Variants in NCDN observed in about 807,000 individuals in gnomAD.
NCDN encodes the protein neurochondrin, also known as norbin.
A neutral mutation model predicts 60.7 loss-of-function variants in NCDN; 9 were observed. That is an observed-to-expected ratio of 0.15 (90% CI 0.09 to 0.26). The LOEUF (loss-of-function observed/expected upper bound fraction) is 0.26. NCDN is among the 10% of genes least tolerant of loss of function. The probability of loss-of-function intolerance (pLI) is 1.00; values close to 1 mark genes in which losing one functional copy is unlikely to be tolerated. For synonymous variants in NCDN, 409 were observed against 442.5 expected, an observed-to-expected ratio of 0.92 and a Z score of 0.95; for missense variants, 578 against 975.2, an observed-to-expected ratio of 0.59 and a Z score of 5.42.
At position 35,562,750 on chromosome 1, in the gene NCDN, T is replaced by G. The variant is rs970992890; in HGVS notation, c.1385+117T>G. ...GGCTTCCTGATTGGGCCATGAGATA[T>G]CCCTTAGGGTTATTTCTGTTTTGGG... On this transcript the variant is annotated intron_variant, in intron 4 of 6. Coordinates refer to ENST00000373243, the MANE Select transcript of NCDN (RefSeq NM_014284.3). The surrounding 1 kb of genome is among the most constrained non-coding windows in gnomAD (Gnocchi z 6.8). 17 of 1,321,280 alleles carry G rather than the reference T, an allele frequency of 1.3e-5. No homozygotes were observed. The highest frequency in any genetic ancestry group is 1.5e-5 in the Non-Finnish European group (15 of 988,670). 81.8% of individuals were successfully genotyped at this position (1,321,280 alleles called of 1,614,324 possible).
In NCDN at chr1:35,562,591, C is replaced by T; in HGVS notation, c.1343C>T (p.Ser448Phe). 2.5e-6 allele frequency: 4 copies of T among 1,613,882 alleles called. No individual in the cohort carries two copies. The highest frequency in any genetic ancestry group is 3.4e-6 in the Non-Finnish European group (4 of 1,179,928). ...LSQQVANLAI[S>F]PTTPGPTWPG... ...CAGCAGGTGGCCAACCTGGCCATCT[C>T]CCCCACCACCCCAGGGCCCACCTGG... Residue 448 changes from serine to phenylalanine, a missense_variant, in exon 4 of 7, where the codon TCC (serine) becomes TTC (phenylalanine). Transcript: ENST00000373243. The surrounding 1 kb of genome is among the most constrained non-coding windows in gnomAD (Gnocchi z 6.8).
rs529573626 is a variant in NCDN, at chr1:35,565,721, A to G, written c.*58A>G. ...GCAGAGAGGGAAGGAGGGAGGAGGC[A>G]TCTTCCCTGAAGCCCCCAATCTGGC... is the stretch of plus-strand genomic sequence containing the variant. On this transcript the variant is annotated 3_prime_UTR_variant, in exon 7 of 7. Coordinates refer to ENST00000373243, the MANE Select transcript of NCDN (RefSeq NM_014284.3). The surrounding 1 kb of genome is among the most constrained non-coding windows in gnomAD (Gnocchi z 8.9). 2,171 of 1,457,612 alleles carry G rather than the reference A, an allele frequency of 1.5e-3. 3 individuals carry two copies. The highest frequency in any genetic ancestry group is 1.8e-3 in the Non-Finnish European group (1,984 of 1,093,802). 90.3% of individuals were successfully genotyped at this position (1,457,612 alleles called of 1,614,324 possible).
chr1:35,562,267 C>T lies in NCDN; in HGVS notation c.1144-125C>T. 7.2e-7 allele frequency: 1 copy of T among 1,382,278 alleles called. No individual in the cohort carries two copies. Among genetic ancestry groups the T allele is most frequent in the Non-Finnish European group, 9.9e-7 (1 of 1,007,284 alleles). The allele number at this position is 1,382,278 out of a possible 1,614,324, so 85.6% of individuals were successfully genotyped here. On this transcript the variant is annotated intron_variant, in intron 3 of 6. Transcript: ENST00000373243. The surrounding 1 kb of genome is among the most constrained non-coding windows in gnomAD (Gnocchi z 6.8). ...CATGGGACAGAATAAAGGTTGGGGC[C>T]TGCCTTTGAAAGGCTCACAGGCCAG...
intron 6 of NCDN, among the ~76,000 whole-genome samples, chr1:35,564,552 G>T (rs1382361452): frequency 2.0e-5 from 3 of 152,188 alleles, no homozygotes; most frequent in African/African-American, 7.2e-5. Context: ...ACCTTCCACT[G>T]CCTCTGTGTT....
chr1:35,565,697 C>T lies in NCDN; in HGVS notation c.*34C>T, dbSNP rs1648850376. 3 of 1,513,536 alleles carry T rather than the reference C, an allele frequency of 2.0e-6. No homozygotes were observed. Among genetic ancestry groups the T allele is most frequent in the Non-Finnish European group, 2.6e-6 (3 of 1,132,656 alleles). 93.8% of individuals were successfully genotyped at this position (1,513,536 alleles called of 1,614,324 possible). A position where few individuals can be genotyped will look rare whatever the true frequency, so the allele number is the denominator to read the frequency against. On this transcript the variant is annotated 3_prime_UTR_variant, in exon 7 of 7. Coordinates refer to ENST00000373243, the MANE Select transcript of NCDN (RefSeq NM_014284.3). This position sits in a 1 kb window ranked among gnomAD's most constrained non-coding sequence, Gnocchi z 8.9. ...CACCGGGGACAGACCCAGGGGCGGG[C>T]AGAGAGGGAAGGAGGGAGGAGGCAT...
Position 35,560,671 on chromosome 1 carries a change from G to A in NCDN, c.520G>A (p.Ala174Thr). The A allele has an allele frequency of 1.9e-6, 3 of 1,613,280 alleles. No individual in the cohort carries two copies. The highest frequency in any genetic ancestry group is 2.5e-6 in the Non-Finnish European group (3 of 1,180,058). ...ACCCAGAGGGCCTCGGCACCTCATT[G>A]CTGGTGGCACCGTGTCTGCCCTATG... Reference protein sequence around the residue: ...GTPRGPRHLIAGGTVSALCQA... With the variant: ...GTPRGPRHLITGGTVSALCQA... The change falls in exon 3 of 7, where the codon GCT (alanine) becomes ACT (threonine). Residue 174 changes from alanine (A) to threonine (T), a missense_variant. Around this residue, in one of 3 missense-constraint regions of NCDN, gnomAD observed 363 missense variants for 583.6 expected, o/e 0.62. Transcript: ENST00000373243. The surrounding 1 kb of genome is among the most constrained non-coding windows in gnomAD (Gnocchi z 7.6).
At position 35,565,192 on chromosome 1, in the gene NCDN, C is replaced by A; in HGVS notation, c.1754-35C>A. 1.3e-6 allele frequency: 2 copies of A among 1,567,770 alleles called. No individual in the cohort carries two copies. The highest frequency in any genetic ancestry group is 2.4e-5 in the South Asian group (2 of 83,784). On this transcript the variant is annotated intron_variant, in intron 6 of 6. Transcript: ENST00000373243. The surrounding 1 kb of genome is among the most constrained non-coding windows in gnomAD (Gnocchi z 8.9). ...GGGTCTGACACAGCAGCTGGCCTGTCCGATTCATGCCCCACTCCTTCCGTT... is the reference window on the plus strand; with the variant it reads ...GGGTCTGACACAGCAGCTGGCCTGTACGATTCATGCCCCACTCCTTCCGTT...
chr1:35,565,169 G>A lies in NCDN; in HGVS notation c.1754-58G>A. The A allele has an allele frequency of 1.3e-6, 2 of 1,526,218 alleles. No homozygotes were observed. Among genetic ancestry groups the A allele is most frequent in the Non-Finnish European group, 1.8e-6 (2 of 1,121,208 alleles). The allele number at this position is 1,526,218 out of a possible 1,614,324, so 94.5% of individuals were successfully genotyped here. On this transcript the variant is annotated intron_variant, in intron 6 of 6. Coordinates refer to ENST00000373243, the MANE Select transcript of NCDN (RefSeq NM_014284.3). The surrounding 1 kb of genome is among the most constrained non-coding windows in gnomAD (Gnocchi z 8.9). ...TGTCTACACAGAGGACTAGGGAAGGGTCTGACACAGCAGCTGGCCTGTCCG... is the reference window on the plus strand; with the variant it reads ...TGTCTACACAGAGGACTAGGGAAGGATCTGACACAGCAGCTGGCCTGTCCG...
intron 1 of NCDN, 42 bp from the exon 2 acceptor site, chr1:35,559,065 C>A: frequency 6.6e-7 from 1 of 1,519,512 alleles, no homozygotes; most frequent in Non-Finnish European, 9.0e-7. Context: ...CACCCCCGTC[C>A]CTCCTCTGCA....
rs763414802 is a variant in NCDN at position 35,561,096 on chromosome 1, C to T, written c.945C>T (p.Cys315=). 47 of 1,613,608 alleles carry T rather than the reference C, an allele frequency of 2.9e-5. No homozygotes were observed. The highest frequency in any genetic ancestry group is 3.6e-5 in the Non-Finnish European group (43 of 1,179,900). Residue 315 remains cysteine (C), a synonymous_variant, in exon 3 of 7, where the codon TGC becomes TGT. Coordinates refer to ENST00000373243, the MANE Select transcript of NCDN (RefSeq NM_014284.3). This position sits in a 1 kb window ranked among gnomAD's most constrained non-coding sequence, Gnocchi z 4.9. ...KFLALLVNLA[C]VEVRLALEET... ...TGGCCCTGCTGGTGAATCTGGCGTG[C>T]GTGGAAGTGCGGCTGGCACTGGAGG...
chr1:35,560,566 G>A lies in NCDN; in HGVS notation c.415G>A (p.Ala139Thr). The stretch of plus-strand genomic sequence containing the variant: ...TCCCATTCTTAGCACCTTCCTCACA[G>A]CCCGGGGGGACCCGGACGATGCTGC... ...KIPILSTFLTARGDPDDAARR... is the reference protein window; with the variant it reads ...KIPILSTFLTTRGDPDDAARR... Residue 139 changes from alanine (A) to threonine (T), a missense_variant, in exon 3 of 7, where the codon GCC becomes ACC. By Grantham distance (58) the Ala-to-Thr change is moderately conservative. Transcript: ENST00000373243. This position sits in a 1 kb window ranked among gnomAD's most constrained non-coding sequence, Gnocchi z 7.6. 1 of 1,613,504 alleles carries A rather than the reference G, an allele frequency of 6.2e-7. No homozygotes were observed. The highest frequency in any genetic ancestry group is 8.5e-7 in the Non-Finnish European group (1 of 1,180,036).
Position 35,563,834 on chromosome 1 carries a change from C to G in NCDN, c.1678C>G (p.Gln560Glu), listed in dbSNP as rs761056103. ...MTSLPALVQQ[Q>E]GRLLLAANVA... ...GTCGCTACCAGCACTAGTGCAGCAA[C>G]AGGGAAGGCTGCTTCTGGCTGCTAA... The change falls in exon 6 of 7, where the codon CAG becomes GAG. Residue 560 changes from glutamine (Q) to glutamate (E), a missense_variant. Gln to Glu is a conservative substitution (Grantham distance 29, BLOSUM62 2). Around this residue, in one of 3 missense-constraint regions of NCDN, gnomAD observed 191 missense variants for 372.1 expected, o/e 0.51. Transcript: ENST00000373243. The surrounding 1 kb of genome is among the most constrained non-coding windows in gnomAD (Gnocchi z 6.6). The G allele has an allele frequency of 2.4e-5, 39 of 1,614,122 alleles. No individual in the cohort carries two copies. The highest frequency in any genetic ancestry group is 3.3e-5 in the Admixed American group (2 of 60,016).
Position 35,562,249 on chromosome 1 carries a change from C to G in NCDN, c.1144-143C>G, listed in dbSNP as rs915079067. On this transcript the variant is annotated intron_variant, in intron 3 of 6. Coordinates refer to ENST00000373243, the MANE Select transcript of NCDN (RefSeq NM_014284.3). The surrounding 1 kb of genome is among the most constrained non-coding windows in gnomAD (Gnocchi z 6.8). ...CATGCTAGGTGCTGGGTTCATGGGA[C>G]AGAATAAAGGTTGGGGCCTGCCTTT... 38 of 1,224,314 alleles carry G rather than the reference C, an allele frequency of 3.1e-5. 1 individual carries two copies. The highest frequency in any genetic ancestry group is 2.9e-4 in the Middle Eastern group (1 of 3,490). The allele number at this position is 1,224,314 out of a possible 1,614,324, so 75.8% of individuals were successfully genotyped here.
intron 2 of NCDN, among the ~76,000 whole-genome samples, 181 bp downstream of exon 2, chr1:35,559,428 G>A (rs577385593): frequency 2.0e-4 from 31 of 152,192 alleles, no homozygotes; most frequent in Non-Finnish European, 4.0e-4. Flanking sequence ...GGGGCAAAGA[G>A]GAGAATGGGA....
Position 35,565,594 on chromosome 1 carries a change from G to A in NCDN, c.2121G>A (p.Leu707=), listed in dbSNP as rs1331202741. 3 of 1,561,110 alleles carry A rather than the reference G, an allele frequency of 1.9e-6. No individual in the cohort carries two copies. The highest frequency in any genetic ancestry group is 2.6e-6 in the Non-Finnish European group (3 of 1,159,354). ...ANRLCREAMR[L]QAGEETASHY... Reference sequence around the variant, plus strand: ...GGCTGTGCCGGGAGGCCATGAGGCTGCAGGCGGGCGAGGAGACGGCCAGCC... The same window carrying A: ...GGCTGTGCCGGGAGGCCATGAGGCTACAGGCGGGCGAGGAGACGGCCAGCC... Residue 707 remains leucine (L), a synonymous_variant, in exon 7 of 7, where the codon CTG becomes CTA. Coordinates refer to ENST00000373243, the MANE Select transcript of NCDN (RefSeq NM_014284.3). The surrounding 1 kb of genome is among the most constrained non-coding windows in gnomAD (Gnocchi z 8.9).
chr1:35,561,470 C>T lies in NCDN; in HGVS notation c.1143+176C>T, dbSNP rs2074680. Among the ~76,000 whole-genome samples, 14,066 of 151,846 alleles carry T rather than the reference C, an allele frequency of 0.093. 1,426 individuals carry two copies. Among genetic ancestry groups the T allele is most frequent in the East Asian group, 0.43 (2,209 of 5,134 alleles). On this transcript the variant is annotated intron_variant, in intron 3 of 6. Coordinates refer to ENST00000373243, the MANE Select transcript of NCDN (RefSeq NM_014284.3). The surrounding 1 kb of genome is among the most constrained non-coding windows in gnomAD (Gnocchi z 4.9). ...CGGCCCAACCTCCCTCTCTCTCCCT[C>T]CCTCCACACAAGCACCATACCACAC...
Position 35,560,305 on chromosome 1 carries a change from G to A in NCDN, c.175-21G>A. 1 of 1,604,652 alleles carries A rather than the reference G, an allele frequency of 6.2e-7. No individual in the cohort carries two copies. Among genetic ancestry groups the A allele is most frequent in the Non-Finnish European group, 8.5e-7 (1 of 1,175,578 alleles). On this transcript the variant is annotated intron_variant, in intron 2 of 6. Transcript: ENST00000373243. The surrounding 1 kb of genome is among the most constrained non-coding windows in gnomAD (Gnocchi z 7.6). Reference sequence around the variant, plus strand: ...TCCCACTTCTTCCTTTCATCCTGATGATAGCACATACCCCCTATAGGTGAC... The same window carrying A: ...TCCCACTTCTTCCTTTCATCCTGATAATAGCACATACCCCCTATAGGTGAC...
chr1:35,564,418 C>T lies in NCDN; in HGVS notation c.1753+509C>T, dbSNP rs752352222. ...TCCCCTCCAGCCCCTGGCAGCCCTC[C>T]GTGTCTCCCTCTTTGGCTGTGGGTG... On this transcript the variant is annotated intron_variant, in intron 6 of 6. Transcript: ENST00000373243. Among the ~76,000 whole-genome samples the T allele has an allele frequency of 1.0e-3, 152 of 152,318 alleles. No homozygotes were observed. In the Middle Eastern group the frequency reaches 0.02, roughly 20 times the overall value.
Position 35,565,820 on chromosome 1 carries a change from AC to A in NCDN, c.*161del. 1 of 775,512 alleles carries A rather than the reference AC, an allele frequency of 1.3e-6. No homozygotes were observed. Among genetic ancestry groups the A allele is most frequent in the Non-Finnish European group, 2.0e-6 (1 of 505,502 alleles). 48.0% of individuals were successfully genotyped at this position (775,512 alleles called of 1,614,324 possible). ...TTCTGAGGGCAAGGGCATGGTGCCC[AC>A]CCCTCAAGTGTAAGGAACTGCGTTC... is the stretch of plus-strand genomic sequence containing the variant. On this transcript the variant is annotated 3_prime_UTR_variant, in exon 7 of 7. Coordinates refer to ENST00000373243, the MANE Select transcript of NCDN (RefSeq NM_014284.3). This position sits in a 1 kb window ranked among gnomAD's most constrained non-coding sequence, Gnocchi z 8.9.
Sources: gnomAD v4.1 joint callset for allele counts (sites outside exome capture counted in the v4.1 genomes callset) on GRCh38, gnomAD v4.1.1 for gene constraint, gnomAD v4.1.1 regional missense constraint, Gnocchi (gnomAD v3.1) non-coding constraint, MANE v1.5 for transcripts, NCBI Gene and HGNC (gene_info 2026-07-23, HGNC 2026-07-21) for gene names.